The following SYT16 variants were observed in gnomAD, a reference collection of about 807,000 sequenced individuals.
The protein encoded by SYT16 is synaptotagmin 16.
Under a neutral mutation model 61.4 loss-of-function variants are expected in SYT16, and 42 were observed. The observed-to-expected ratio is 0.68, with a 90% CI of 0.53 to 0.89. The LOEUF is 0.89. SYT16 is among the 40% of genes least tolerant of loss of function. The pLI, the probability that SYT16 is intolerant of heterozygous loss-of-function variation, is 0.00. For synonymous variants in SYT16, 314 were observed against 302.3 expected (o/e 1.04, Z -0.40); for missense variants, 804 against 807.3 (o/e 1.00, Z 0.05).
chr14:62,026,530 G>A (rs1292449431), intron 3 of SYT16, among the ~76,000 whole-genome samples: 1 of 152,140 alleles, frequency 6.6e-6, no homozygotes, highest in Non-Finnish European at 1.5e-5. Context: ...CAGGAAGGAG[G>A]AGCCCTCATG....
chr14:62,011,926 C>CACATACAT (rs1555370087), intron 3 of SYT16, among the ~76,000 whole-genome samples: 1 of 132,772 alleles, frequency 7.5e-6, no homozygotes, highest in East Asian at 2.1e-4. Flanking sequence ...CACACACACA[C>CACATACAT]ATATATATAT....
At chr14:61,910,273 T>C (rs1216693347) in intron 1 of SYT16, among the ~76,000 whole-genome samples, 2 of 152,052 alleles carry the variant, frequency 1.3e-5, no homozygotes, top group Non-Finnish European at 2.9e-5. Context: ...GGTCTCACTG[T>C]TGTCACCTGG....
chr14:62,097,218 A>G (rs938840334), intron 7 of SYT16, among the ~76,000 whole-genome samples: 2 of 152,158 alleles, frequency 1.3e-5, no homozygotes, highest in Non-Finnish European at 1.5e-5. Flanking sequence ...CTTTAGCAAG[A>G]AAAAGGGAAG....
chr14:62,088,368 A>G (rs997616817), intron 7 of SYT16, among the ~76,000 whole-genome samples: 1 of 152,254 alleles, frequency 6.6e-6, no homozygotes, highest in Non-Finnish European at 1.5e-5. Flanking sequence ...GAAATTCTGC[A>G]GTAAGCAAAA....
At chr14:61,921,231 T>A (rs1232656939) in intron 1 of SYT16, among the ~76,000 whole-genome samples, 7 of 152,204 alleles carry the variant, frequency 4.6e-5, no homozygotes, top group African/African-American at 1.7e-4. Flanking sequence ...TTTGCTTAAT[T>A]ATTGTCATAA....
intron 1 of SYT16, among the ~76,000 whole-genome samples, chr14:61,927,251 G>A (rs1045226592): frequency 6.6e-6 from 1 of 152,190 alleles, no homozygotes; most frequent in African/African-American, 2.4e-5. Context: ...GTGAAAAAAT[G>A]AGTGATGAAT....
At chr14:62,051,196 G>A (rs912176326) in intron 3 of SYT16, among the ~76,000 whole-genome samples, 1 of 152,234 alleles carries the variant, frequency 6.6e-6, no homozygotes, top group Non-Finnish European at 1.5e-5. Flanking sequence ...CAGCCTCACT[G>A]CTGCCTTGCA....
intron 1 of SYT16, among the ~76,000 whole-genome samples, chr14:61,922,971 C>T (rs2049391920): frequency 6.6e-6 from 1 of 151,394 alleles, no homozygotes; most frequent in African/African-American, 2.4e-5. Flanking sequence ...ATCGCTTGAA[C>T]CCGGGAGGCA....
intron 5 of SYT16, among the ~76,000 whole-genome samples, chr14:62,075,614 A>AG (rs2056465386): frequency 8.8e-6 from 1 of 113,782 alleles, no homozygotes; most frequent in African/African-American, 4.3e-5. Flanking sequence ...TAAAAAAAAA[A>AG]AAAAAGAAAA....
intron 7 of SYT16, among the ~76,000 whole-genome samples, chr14:62,084,798 T>A (rs1305232898): frequency 6.6e-6 from 1 of 152,230 alleles, no homozygotes; most frequent in Non-Finnish European, 1.5e-5. Flanking sequence ...GATCTGATCC[T>A]GTGCAATTTA....
At chr14:62,053,903 A>G (rs1465273576) in intron 3 of SYT16, among the ~76,000 whole-genome samples, 2 of 151,738 alleles carry the variant, frequency 1.3e-5, no homozygotes, top group East Asian at 1.9e-4. Context: ...TTTTTGTGGA[A>G]CCCCATGAAA....
chr14:61,889,220 A>T (rs573318399), intron 1 of SYT16, among the ~76,000 whole-genome samples: 5 of 152,264 alleles, frequency 3.3e-5, no homozygotes, highest in South Asian at 2.1e-4. Flanking sequence ...GGGTCAGTGG[A>T]TGGAAAATTA....
chr14:62,058,980 A>G (rs2055695129), intron 3 of SYT16, among the ~76,000 whole-genome samples: 1 of 152,190 alleles, frequency 6.6e-6, no homozygotes. Flanking sequence ...GCAGAAAATC[A>G]AATACCACAT....
chr14:62,064,105 T>G (rs1230329332), intron 3 of SYT16, among the ~76,000 whole-genome samples: 2 of 152,130 alleles, frequency 1.3e-5, no homozygotes, highest in Non-Finnish European at 2.9e-5. Context: ...TTCTACTGTA[T>G]TATTTCCTTG....
intron 3 of SYT16, among the ~76,000 whole-genome samples, chr14:62,011,533 A>G (rs190835398): frequency 2.0e-5 from 3 of 152,304 alleles, no homozygotes; most frequent in Admixed American, 2.0e-4. Context: ...CTGATTGGCC[A>G]GGCCTAAGTC....
chr14:61,882,518 C>T (rs2140321312), intron 1 of SYT16, among the ~76,000 whole-genome samples: 1 of 152,262 alleles, frequency 6.6e-6, no homozygotes, highest in South Asian at 2.1e-4. Flanking sequence ...CCTAGTCTTG[C>T]CCTTAACACA....
chr14:61,921,616 G>T (rs1166655122), intron 1 of SYT16, among the ~76,000 whole-genome samples: 1 of 152,296 alleles, frequency 6.6e-6, no homozygotes, highest in Admixed American at 6.5e-5. Flanking sequence ...GTGAGCTTCT[G>T]CTCTGAGCCC....
chr14:61,991,151 AAC>A (rs201505217), intron 2 of SYT16, among the ~76,000 whole-genome samples: 4 of 151,572 alleles, frequency 2.6e-5, no homozygotes, highest in African/African-American at 2.4e-5. Context: ...TTGTATGGTA[AAC>A]ACACACACAC....
At chr14:61,853,314 T>C (rs1461382957) in intron 1 of SYT16, among the ~76,000 whole-genome samples, 1 of 152,248 alleles carries the variant, frequency 6.6e-6, no homozygotes, top group African/African-American at 2.4e-5. Context: ...CTTTAGAGGC[T>C]GGGCATCTTT....
Sources: allele counts gnomAD v4.1 joint callset (sites outside exome capture counted in the v4.1 genomes callset), GRCh38; gene constraint gnomAD v4.1.1; transcripts MANE v1.5; gene names NCBI Gene and HGNC (gene_info 2026-07-23, HGNC 2026-07-21).